The following IPO11 variants were observed in gnomAD, a reference collection of about 807,000 sequenced individuals.
IPO11 encodes importin-11.
A neutral mutation model predicts 143.2 loss-of-function variants in IPO11; 66 were observed. That is an observed-to-expected ratio of 0.46 (90% CI 0.38 to 0.57). IPO11 has a LOEUF of 0.57. Ranked by LOEUF, IPO11 falls within the 20% of genes least tolerant of loss-of-function variation. The pLI is 0.00. For synonymous variants in IPO11, 385 were observed against 377.8 expected (o/e 1.02, Z -0.22); for missense variants, 1,026 against 1,141.0 (o/e 0.90, Z 1.45).
intron 5 of IPO11, among the ~76,000 whole-genome samples, chr5:62,460,475 A>T (rs1238294338): frequency 1.3e-5 from 2 of 152,222 alleles, no homozygotes; most frequent in Non-Finnish European, 2.9e-5. Context: ...ATTCGTGATG[A>T]ATTATTTAAT....
intron 20 of IPO11, among the ~76,000 whole-genome samples, chr5:62,521,968 A>G (rs1028935773): frequency 2.2e-4 from 34 of 152,220 alleles, no homozygotes; most frequent in African/African-American, 8.2e-4. Flanking sequence ...TATTTTTCCA[A>G]GCTTTCATCT....
intron 20 of IPO11, among the ~76,000 whole-genome samples, chr5:62,521,477 T>A (rs1008257799): frequency 6.6e-5 from 10 of 152,158 alleles, no homozygotes; most frequent in African/African-American, 2.2e-4. Flanking sequence ...TACCCCTCCT[T>A]CCCTTTTCTG....
chr5:62,530,365 A>G (rs1742503872), intron 21 of IPO11, among the ~76,000 whole-genome samples: 1 of 152,116 alleles, frequency 6.6e-6, no homozygotes, highest in African/African-American at 2.4e-5. Context: ...CCCTCCATGT[A>G]CTTTGGTTTT....
chr5:62,542,929 T>C (rs973357369), intron 24 of IPO11, among the ~76,000 whole-genome samples: 8 of 152,210 alleles, frequency 5.3e-5, no homozygotes, highest in Admixed American at 2.0e-4. Context: ...GTGTAACTTA[T>C]TGTGTAATAA....
intron 27 of IPO11, among the ~76,000 whole-genome samples, chr5:62,587,137 T>C (rs947527498): frequency 7.9e-5 from 12 of 152,032 alleles, no homozygotes; most frequent in Non-Finnish European, 1.8e-4. Context: ...AGTTATTCCT[T>C]GTAGTCTTGA....
chr5:62,443,069 A>G lies in IPO11; in HGVS notation c.225A>G (p.Arg75=), dbSNP rs1374995120. The part of the protein sequence containing the change: ...YFKHGIDRYW[R]RVAPHALSEE... ...AACATGGAATTGATCGCTACTGGAGACGTGTAGCACCTCAGTAAGTTCCAT... is the reference window on the plus strand; with the variant it reads ...AACATGGAATTGATCGCTACTGGAGGCGTGTAGCACCTCAGTAAGTTCCAT... The change falls in exon 3 of 30, where the codon AGA becomes AGG. Residue 75 remains arginine, a synonymous_variant. Coordinates refer to ENST00000325324, the MANE Select transcript of IPO11 (RefSeq NM_016338.5). 1.2e-6 allele frequency: 2 copies of G among 1,602,684 alleles called. No homozygotes were observed. The highest frequency in any genetic ancestry group is 3.4e-5 in the Admixed American group (2 of 59,246).
intron 27 of IPO11, among the ~76,000 whole-genome samples, chr5:62,573,076 T>C (rs1744196309): frequency 6.6e-6 from 1 of 152,094 alleles, no homozygotes; most frequent in Admixed American, 6.6e-5. Flanking sequence ...AGATGGAGTT[T>C]CACACTGTCG....
chr5:62,468,884 T>A (rs1745659345), intron 6 of IPO11, among the ~76,000 whole-genome samples: 1 of 152,260 alleles, frequency 6.6e-6, no homozygotes, highest in Admixed American at 6.5e-5. Flanking sequence ...AATTTTTGTT[T>A]TGTGTAATCT....
intron 19 of IPO11, among the ~76,000 whole-genome samples, chr5:62,510,888 A>G (rs972686808): frequency 2.6e-5 from 4 of 151,936 alleles, no homozygotes; most frequent in African/African-American, 9.7e-5. Context: ...GCACGCCACC[A>G]TGCCTGGCTA....
At chr5:62,551,017 T>TTG (rs1378164082) in intron 25 of IPO11, among the ~76,000 whole-genome samples, 9 of 93,322 alleles carry the variant, frequency 9.6e-5, no homozygotes, top group African/African-American at 3.7e-4. Context: ...TTTCTCTTTA[T>TTG]TGTATATATA....
intron 3 of IPO11, among the ~76,000 whole-genome samples, chr5:62,444,491 G>A (rs1399637912): frequency 6.6e-6 from 1 of 152,134 alleles, no homozygotes; most frequent in Non-Finnish European, 1.5e-5. Context: ...CAATGGCCCA[G>A]CAGCACTTTT....
chr5:62,588,185 T>G (rs957902577), intron 27 of IPO11, among the ~76,000 whole-genome samples: 3 of 152,130 alleles, frequency 2.0e-5, no homozygotes, highest in Non-Finnish European at 4.4e-5. Context: ...CCTGTCTTAT[T>G]ATAACTTCAC....
intron 1 of IPO11, among the ~76,000 whole-genome samples, chr5:62,422,772 A>G (rs747579602): frequency 2.6e-4 from 39 of 152,168 alleles, no homozygotes; most frequent in Admixed American, 5.9e-4. Context: ...TCCCCTGTCT[A>G]TTGTCTTCTT....
At chr5:62,416,182 C>CTTTTTTTTTTTTTTTT (rs869236693) in intron 1 of IPO11, among the ~76,000 whole-genome samples, 17 of 123,470 alleles carry the variant, frequency 1.4e-4, no homozygotes, top group East Asian at 2.4e-4. Context: ...TTTTTCTTTT[C>CTTTTTTTTTTTTTTTT]TTTTTTTTTT....
intron 3 of IPO11, among the ~76,000 whole-genome samples, chr5:62,444,058 G>T (rs1744611654): frequency 6.6e-6 from 1 of 151,796 alleles, no homozygotes; most frequent in Non-Finnish European, 1.5e-5. Context: ...GGCTGCACTT[G>T]GGATACTATA....
chr5:62,589,140 C>CA (rs1214388850), intron 27 of IPO11, among the ~76,000 whole-genome samples: 6 of 152,132 alleles, frequency 3.9e-5, no homozygotes, highest in African/African-American at 1.4e-4. Flanking sequence ...ACCCCTTTGG[C>CA]ACCTGTACTT....
chr5:62,556,244 G>C (rs1580321222), intron 26 of IPO11, among the ~76,000 whole-genome samples: 2 of 152,174 alleles, frequency 1.3e-5, no homozygotes, highest in Admixed American at 1.3e-4. Flanking sequence ...AGAATTGCTT[G>C]AACCCAGGAG....
At chr5:62,464,949 A>G (rs1745515360) in intron 5 of IPO11, among the ~76,000 whole-genome samples, 1 of 152,154 alleles carries the variant, frequency 6.6e-6, no homozygotes, top group Non-Finnish European at 1.5e-5. Flanking sequence ...GTTGTAAGCA[A>G]GATATCGGTT....
intron 29 of IPO11, among the ~76,000 whole-genome samples, chr5:62,603,512 G>A (rs1010839977): frequency 1.8e-4 from 28 of 152,220 alleles, no homozygotes; most frequent in Non-Finnish European, 4.4e-5. Flanking sequence ...CTTTACGGTA[G>A]TGGGTGGCTG....
Sources: allele counts gnomAD v4.1 joint callset (sites outside exome capture counted in the v4.1 genomes callset), GRCh38; gene constraint gnomAD v4.1.1; transcripts MANE v1.5; gene names NCBI Gene and HGNC (gene_info 2026-07-23, HGNC 2026-07-21).